SORCS2: variants seen among roughly 807,000 people sequenced by gnomAD.
SORCS2 encodes the protein VPS10 domain-containing receptor SorCS2.
SORCS2 carries 100 observed loss-of-function variants against 141.6 expected under a neutral mutation model. The ratio of observed to expected loss-of-function variants is 0.71; its 90% CI spans 0.60 to 0.83. The LOEUF (loss-of-function observed/expected upper bound fraction) is 0.83, where lower values mean the gene tolerates loss of function less well. Among genes scored for constraint, SORCS2 ranks in the 40% least tolerant of loss-of-function variants. The probability of loss-of-function intolerance (pLI) is 0.00; values close to 1 mark genes in which losing one functional copy is unlikely to be tolerated. For missense variants in SORCS2, 1,646 were observed against 1,560.2 expected (o/e 1.05, Z -0.93); for synonymous variants, 789 against 676.9 (o/e 1.17, Z -2.57).
Position 7,638,338 on chromosome 4 carries a change from T to A in SORCS2, c.659T>A (p.Val220Asp). The A allele has an allele frequency of 6.6e-7, 1 of 1,507,694 alleles. No individual in the cohort carries two copies. Among genetic ancestry groups the A allele is most frequent in the Non-Finnish European group, 8.8e-7 (1 of 1,133,628 alleles). 93.4% of individuals were successfully genotyped at this position (1,507,694 alleles called of 1,614,324 possible). ...CGCTTTGTGTTTCAGGTCATCCTTG[T>A]CAGCTCCTCACTCAGTGACCGGGAC... ...CPTNKRKVIL[V>D]SSSLSDRDQS... is the part of the protein sequence containing the mutation. Residue 220 changes from valine (V) to aspartate (D), a missense_variant, in exon 4 of 27, where the codon GTC becomes GAC. By Grantham distance (152) the Val-to-Asp change is radical. Transcript: ENST00000507866.
At chr4:7,219,712 G>T (rs1728583241) in intron 1 of SORCS2, among the ~76,000 whole-genome samples, 1 of 152,144 alleles carries the variant, frequency 6.6e-6, no homozygotes, top group South Asian at 2.1e-4. Flanking sequence ...CTTCCTGCTG[G>T]GTCCCTCCCA....
At chr4:7,520,223 C>T (rs1341144295) in intron 2 of SORCS2, among the ~76,000 whole-genome samples, 5 of 152,286 alleles carry the variant, frequency 3.3e-5, no homozygotes, top group Admixed American at 6.5e-5. Context: ...GGCATCGCGC[C>T]GATGCTCAGG....
chr4:7,553,387 CAT>C (rs756865131), intron 3 of SORCS2, among the ~76,000 whole-genome samples: 10 of 152,124 alleles, frequency 6.6e-5, no homozygotes, highest in Non-Finnish European at 1.3e-4. Flanking sequence ...CCATTACAAA[CAT>C]ATTTTCAGTA....
intron 2 of SORCS2, among the ~76,000 whole-genome samples, chr4:7,471,012 G>T (rs945865085): frequency 1.3e-5 from 2 of 152,190 alleles, no homozygotes; most frequent in African/African-American, 4.8e-5. Flanking sequence ...AGGAGCAACA[G>T]TCTGAGCTGA....
intron 1 of SORCS2, among the ~76,000 whole-genome samples, chr4:7,290,323 C>T (rs989612469): frequency 1.3e-5 from 2 of 152,150 alleles, no homozygotes; most frequent in Non-Finnish European, 2.9e-5. Context: ...CAGCTGTGGG[C>T]GCCACTATCT....
rs57092836 is a variant in SORCS2, at chr4:7,219,170, C to CTGTGTGTGTGTGTGTG, written c.480+26046_480+26061dup. On this transcript the variant is annotated intron_variant, in intron 1 of 26. Coordinates refer to ENST00000507866, the MANE Select transcript of SORCS2 (RefSeq NM_020777.3). ...GATTTAGCTGATCTTTTTGTCTATG[C>CTGTGTGTGTGTGTGTG]TGTGTGTGTGTGTGTGTCTGTTCAT... Among the ~76,000 whole-genome samples, 241 of 150,732 alleles carry CTGTGTGTGTGTGTGTG rather than the reference C, an allele frequency of 1.6e-3. 1 individual carries two copies. The highest frequency in any genetic ancestry group is 4.8e-3 in the South Asian group (23 of 4,758).
At chr4:7,700,032 G>A (rs1318744928) in intron 12 of SORCS2, among the ~76,000 whole-genome samples, 3 of 152,148 alleles carry the variant, frequency 2.0e-5, no homozygotes, top group South Asian at 4.1e-4. Flanking sequence ...ATCTGTCCCG[G>A]GGCCTCTCCG....
intron 1 of SORCS2, among the ~76,000 whole-genome samples, chr4:7,234,968 G>A (rs1265670793): frequency 2.6e-5 from 4 of 152,252 alleles, no homozygotes; most frequent in Non-Finnish European, 5.9e-5. Context: ...CTTGTGGAGT[G>A]CGTGGCAGGG....
chr4:7,296,523 C>G (rs1003720235), intron 1 of SORCS2, among the ~76,000 whole-genome samples: 1 of 152,186 alleles, frequency 6.6e-6, no homozygotes, highest in African/African-American at 2.4e-5. Context: ...CCCCACCCAC[C>G]CCACCAAGGA....
intron 2 of SORCS2, among the ~76,000 whole-genome samples, chr4:7,412,535 G>A (rs1345402383): frequency 2.6e-5 from 4 of 152,214 alleles, no homozygotes; most frequent in Non-Finnish European, 5.9e-5. Context: ...AGAACTGGGG[G>A]ACAGATGCTC....
At chr4:7,573,124 C>G (rs1302081269) in intron 3 of SORCS2, among the ~76,000 whole-genome samples, 1 of 152,174 alleles carries the variant, frequency 6.6e-6, no homozygotes, top group Non-Finnish European at 1.5e-5. Context: ...AATTCCCATT[C>G]AGAACTTGCG....
intron 2 of SORCS2, among the ~76,000 whole-genome samples, chr4:7,404,271 A>G (rs1248541738): frequency 2.0e-5 from 3 of 152,020 alleles, no homozygotes; most frequent in Admixed American, 1.3e-4. Context: ...TTGATTCCAC[A>G]TCTTTTCTAT....
chr4:7,414,869 T>C (rs976049782), intron 2 of SORCS2, among the ~76,000 whole-genome samples: 2 of 152,168 alleles, frequency 1.3e-5, no homozygotes, highest in Non-Finnish European at 2.9e-5. Context: ...TATCAGTTAA[T>C]TGCGCTCCTT....
At chr4:7,424,644 C>T (rs982044709) in intron 2 of SORCS2, among the ~76,000 whole-genome samples, 7 of 152,178 alleles carry the variant, frequency 4.6e-5, no homozygotes, top group African/African-American at 7.2e-5. Flanking sequence ...GTGTGACCCC[C>T]GCACTCCGCA....
At chr4:7,687,807 A>G (rs1434901466) in intron 10 of SORCS2, among the ~76,000 whole-genome samples, 1 of 152,116 alleles carries the variant, frequency 6.6e-6, no homozygotes, top group Non-Finnish European at 1.5e-5. Context: ...TGCCACCATC[A>G]CCACTGTCCC....
chr4:7,376,475 G>A (rs923639902), intron 1 of SORCS2, among the ~76,000 whole-genome samples: 2 of 152,174 alleles, frequency 1.3e-5, no homozygotes, highest in East Asian at 3.9e-4. Context: ...TACTCCGGAG[G>A]CTGAGGCAGG....
chr4:7,366,816 C>T (rs2109034444), intron 1 of SORCS2, among the ~76,000 whole-genome samples: 1 of 152,324 alleles, frequency 6.6e-6, no homozygotes, highest in Middle Eastern at 3.4e-3. Context: ...ACTTCCTCCT[C>T]AAGTGTGTCC....
At chr4:7,322,341 G>C (rs967739759) in intron 1 of SORCS2, among the ~76,000 whole-genome samples, 7 of 152,174 alleles carry the variant, frequency 4.6e-5, no homozygotes, top group African/African-American at 1.7e-4. Context: ...TGCAGCTGCT[G>C]TCTCTGGACA....
intron 2 of SORCS2, among the ~76,000 whole-genome samples, chr4:7,465,611 G>T (rs979914578): frequency 1.3e-5 from 2 of 152,144 alleles, no homozygotes; most frequent in South Asian, 2.1e-4. Flanking sequence ...TTTTAAGTTC[G>T]TTTTTTCTCC....
Sources: gnomAD v4.1 joint callset for allele counts (sites outside exome capture counted in the v4.1 genomes callset) on GRCh38, gnomAD v4.1.1 for gene constraint, MANE v1.5 for transcripts, NCBI Gene and HGNC (gene_info 2026-07-23, HGNC 2026-07-21) for gene names.